Variants in HID1 observed in about 807,000 individuals in gnomAD.
HID1 encodes protein HID1.
HID1 carries 42 observed loss-of-function variants against 89.7 expected under a neutral mutation model. That is an observed-to-expected ratio of 0.47 (90% CI 0.37 to 0.61). The LOEUF (loss-of-function observed/expected upper bound fraction) is 0.61, where lower values mean the gene tolerates loss of function less well. Ranked by LOEUF, HID1 falls within the 20% of genes least tolerant of loss-of-function variation. The pLI is 0.00. For missense variants in HID1, 854 were observed against 1,039.3 expected, an observed-to-expected ratio of 0.82 and a Z score of 2.45; for synonymous variants, 442 against 433.8, an observed-to-expected ratio of 1.02 and a Z score of -0.24.
At chr17:74,963,133 G>A (rs1435141188) in intron 3 of HID1, 52 bp from the exon 4 acceptor site, 1 of 1,359,994 alleles carries the variant, frequency 7.4e-7, no homozygotes, top group African/African-American at 1.4e-5. Flanking sequence ...CCAGGAAGAG[G>A]TGGCCCAGGG....
Position 74,960,262 on chromosome 17 carries a change from G to C in HID1, c.729-14C>G, listed in dbSNP as rs1292625766. The C allele has an allele frequency of 6.3e-7, 1 of 1,599,224 alleles. No individual in the cohort carries two copies. The highest frequency in any genetic ancestry group is 1.7e-5 in the Admixed American group (1 of 59,660). ...GGCAGGGCATGTCTGCAGCAGGAGAGGGACAAGGCTGCAGAGGCTGCACTG... is the reference window on the plus strand; with the variant it reads ...GGCAGGGCATGTCTGCAGCAGGAGACGGACAAGGCTGCAGAGGCTGCACTG... On this transcript the variant is annotated splice_polypyrimidine_tract_variant and intron_variant, in intron 6 of 18. Transcript: ENST00000425042.
intron 1 of HID1, among the ~76,000 whole-genome samples, chr17:74,968,132 C>T (rs940094255): frequency 6.6e-6 from 1 of 152,020 alleles, no homozygotes; most frequent in African/African-American, 2.4e-5. Context: ...TAATTCTGGT[C>T]TCTGAAGCTA....
intron 6 of HID1, among the ~76,000 whole-genome samples, chr17:74,961,422 C>G (rs2039478112): frequency 6.6e-6 from 1 of 152,070 alleles, no homozygotes; most frequent in Admixed American, 6.6e-5. Flanking sequence ...CACCCGCCAC[C>G]AAGCCTGGCT....
chr17:74,967,265 G>A (rs183373938), intron 1 of HID1, among the ~76,000 whole-genome samples: 79 of 150,884 alleles, frequency 5.2e-4, no homozygotes, highest in African/African-American at 1.9e-3. Flanking sequence ...AATAGGCCAG[G>A]CGCGGTGGCT....
intron 6 of HID1, among the ~76,000 whole-genome samples, chr17:74,961,231 A>G (rs2039475069): frequency 6.6e-6 from 1 of 152,136 alleles, no homozygotes; most frequent in Non-Finnish European, 1.5e-5. Flanking sequence ...TTTGGGGTAT[A>G]TTGGGTTATA....
chr17:74,960,307 C>G, intron 6 of HID1, 59 bp from the exon 7 acceptor site: 2 of 1,435,450 alleles, frequency 1.4e-6, no homozygotes, highest in Non-Finnish European at 1.9e-6. Flanking sequence ...CCCCTGGCCA[C>G]ACCTCTCTGG....
At position 74,951,532 on chromosome 17, in the gene HID1, T is replaced by C. The variant is rs2039297971; in HGVS notation, c.*38A>G. On this transcript the variant is annotated 3_prime_UTR_variant, in exon 19 of 19. Coordinates refer to ENST00000425042, the MANE Select transcript of HID1 (RefSeq NM_030630.3). ...GGGGAAGCCTCAGGGACCAAGGCCC[T>C]GCCTTCCCCTAGACTGAGCCCCTCG... The C allele has an allele frequency of 6.3e-7, 1 of 1,582,944 alleles. No individual in the cohort carries two copies. The highest frequency in any genetic ancestry group is 8.6e-7 in the Non-Finnish European group (1 of 1,159,122).
At chr17:74,965,318 G>A (rs949465351) in intron 1 of HID1, among the ~76,000 whole-genome samples, 6 of 152,190 alleles carry the variant, frequency 3.9e-5, no homozygotes, top group African/African-American at 1.2e-4. Context: ...CCACGGCACC[G>A]CTGCCACAGG....
intron 2 of HID1, 111 bp downstream of exon 2, chr17:74,964,372 G>A (rs2039530620): frequency 1.7e-6 from 2 of 1,206,860 alleles, no homozygotes; most frequent in Admixed American, 2.6e-5. Context: ...AGCTGAGTGA[G>A]GCCACAGGGC....
rs1302070547 is a variant in HID1, at chr17:74,963,821, G to C, written c.306C>G (p.Thr102=). The C allele has an allele frequency of 6.2e-7, 1 of 1,614,134 alleles. No individual in the cohort carries two copies. The highest frequency in any genetic ancestry group is 8.5e-7 in the Non-Finnish European group (1 of 1,180,024). ...CCTCAAAGATGTAGGGCAGCACGCG[G>C]GTGAGCAGCCGGCTGCAGTTCAGGA... ...QIVLNCSRLL[T]RVLPYIFEDP... The change falls in exon 3 of 19, where the codon ACC becomes ACG. Residue 102 remains threonine, a synonymous_variant. Transcript: ENST00000425042.
In HID1 at chr17:74,960,295, G is replaced by C. The variant is rs578119692; in HGVS notation, c.729-47C>G. On this transcript the variant is annotated intron_variant, in intron 6 of 18. Transcript: ENST00000425042. The stretch of plus-strand genomic sequence containing the variant: ...GCTGCAGAGGCTGCACTGGGGCCCA[G>C]CCCCCTGGCCACACCTCTCTGGCCA... The C allele has an allele frequency of 3.9e-6, 6 of 1,522,134 alleles. No individual in the cohort carries two copies. The Admixed American group carries it at 9.1e-5, about 23-fold the overall frequency. The allele number at this position is 1,522,134 out of a possible 1,614,324, so 94.3% of individuals were successfully genotyped here.
chr17:74,953,007 C>A lies in HID1; in HGVS notation c.2051G>T (p.Trp684Leu). 6.2e-7 allele frequency: 1 copy of A among 1,604,198 alleles called. No individual in the cohort carries two copies. Among genetic ancestry groups the A allele is most frequent in the East Asian group, 2.2e-5 (1 of 44,472 alleles). ...GCCTGGCACAGGGTCCCTCCTCACC[C>A]ACTCTGGCGTTGGGCTCCACTGCCC... ...ASGQWSPTPE[W>L]VLSWKSKLPL... Residue 684 changes from tryptophan (W) to leucine (L), a missense_variant and splice_region_variant, in exon 16 of 19, where the codon TGG becomes TTG. By Grantham distance (61) the Trp-to-Leu change is moderately conservative. Coordinates refer to ENST00000425042, the MANE Select transcript of HID1 (RefSeq NM_030630.3).
intron 1 of HID1, 110 bp from the exon 2 acceptor site, chr17:74,964,742 C>T (rs1488447191): frequency 6.9e-6 from 8 of 1,158,696 alleles, no homozygotes; most frequent in Admixed American, 2.4e-5. Flanking sequence ...AGTCCCCCTA[C>T]CTGCTGGGGT....
Position 74,958,197 on chromosome 17 carries a change from C to T in HID1, c.1415G>A (p.Ser472Asn). 1.2e-6 allele frequency: 2 copies of T among 1,611,554 alleles called. No individual in the cohort carries two copies. Among genetic ancestry groups the T allele is most frequent in the Non-Finnish European group, 1.7e-6 (2 of 1,179,096 alleles). ...LIVVFHKIIT[S>N]GHQRLQPLFD... is the part of the protein sequence containing the mutation. ...GAGGGGCTGCAACCGCTGGTGCCCGCTGGTGATGATCTTGTGGAACACCTG... is the reference window on the plus strand; with the variant it reads ...GAGGGGCTGCAACCGCTGGTGCCCGTTGGTGATGATCTTGTGGAACACCTG... Residue 472 changes from serine to asparagine, a missense_variant, in exon 12 of 19, where the codon AGC becomes AAC. By Grantham distance (46) the Ser-to-Asn change is conservative. Transcript: ENST00000425042. The surrounding 1 kb of genome is among the most constrained non-coding windows in gnomAD (Gnocchi z 5.2).
Position 74,962,205 on chromosome 17 carries a change from T to G in HID1, c.611+29A>C, listed in dbSNP as rs2039492691. ...GGCCCGGCCCGGGGTCCAGCTGCAT[T>G]GAGGGCTCCGGGCCTGGGCGAAGCT... On this transcript the variant is annotated intron_variant, in intron 5 of 18. Transcript: ENST00000425042. This position sits in a 1 kb window ranked among gnomAD's most constrained non-coding sequence, Gnocchi z 4.3. 6.4e-7 allele frequency: 1 copy of G among 1,561,394 alleles called. No homozygotes were observed. Among genetic ancestry groups the G allele is most frequent in the African/African-American group, 1.4e-5 (1 of 73,858 alleles).
chr17:74,958,655 C>A lies in HID1; in HGVS notation c.1240+18G>T. On this transcript the variant is annotated intron_variant, in intron 10 of 18. Coordinates refer to ENST00000425042, the MANE Select transcript of HID1 (RefSeq NM_030630.3). The surrounding 1 kb of genome is among the most constrained non-coding windows in gnomAD (Gnocchi z 5.2). ...CGCCAGGAAAGCCCCCAGCATCCCA[C>A]CCCCACCCTGGTCTTACACTGATCG... 2 of 1,483,092 alleles carry A rather than the reference C, an allele frequency of 1.3e-6. No individual in the cohort carries two copies. Among genetic ancestry groups the A allele is most frequent in the African/African-American group, 1.4e-5 (1 of 71,664 alleles). The allele number at this position is 1,483,092 out of a possible 1,614,324, so 91.9% of individuals were successfully genotyped here. A position where few individuals can be genotyped will look rare whatever the true frequency, so the allele number is the denominator to read the frequency against.
rs1430893903 is a variant in HID1, at chr17:74,972,294, G to C, written c.66+297C>G. ...GCTGGGGACGCCGCGGGGCGGGACAGGGGGCGGACAGCTGTGTCGCCGGCT... is the reference window on the plus strand; with the variant it reads ...GCTGGGGACGCCGCGGGGCGGGACACGGGGCGGACAGCTGTGTCGCCGGCT... On this transcript the variant is annotated intron_variant, in intron 1 of 18. Coordinates refer to ENST00000425042, the MANE Select transcript of HID1 (RefSeq NM_030630.3). The surrounding 1 kb of genome is among the most constrained non-coding windows in gnomAD (Gnocchi z 6.4). Among the ~76,000 whole-genome samples, 1 of 152,048 alleles carries C rather than the reference G, an allele frequency of 6.6e-6. No homozygotes were observed. The highest frequency in any genetic ancestry group is 2.4e-5 in the African/African-American group (1 of 41,396).
chr17:74,964,260 C>T (rs2039529085), intron 2 of HID1: 1 of 606,358 alleles, frequency 1.6e-6, no homozygotes, highest in South Asian at 2.0e-5. Context: ...ATGAACTGAT[C>T]TGTGGAAGGT....
chr17:74,951,896 G>T lies in HID1; in HGVS notation c.2303+9C>A. 6.6e-7 allele frequency: 1 copy of T among 1,508,160 alleles called. No individual in the cohort carries two copies. 93.4% of individuals were successfully genotyped at this position (1,508,160 alleles called of 1,614,324 possible). On this transcript the variant is annotated intron_variant, in intron 18 of 18. Transcript: ENST00000425042. Reference sequence around the variant, plus strand: ...TCAGGTGGACACCACCCCACTCCCCGGGGCCCACCTCAGATAGATGACGCC... The same window carrying T: ...TCAGGTGGACACCACCCCACTCCCCTGGGCCCACCTCAGATAGATGACGCC...
Sources: allele counts gnomAD v4.1 joint callset (sites outside exome capture counted in the v4.1 genomes callset), GRCh38; gene constraint gnomAD v4.1.1; non-coding constraint Gnocchi (gnomAD v3.1); transcripts MANE v1.5; gene names NCBI Gene and HGNC (gene_info 2026-07-23, HGNC 2026-07-21).